The following SOS2 variants were observed in gnomAD, a reference collection of about 807,000 sequenced individuals.
The protein encoded by SOS2 is SOS Ras/Rho guanine nucleotide exchange factor 2, also known as son of sevenless homolog 2.
SOS2 carries 65 observed loss-of-function variants against 148.2 expected under a neutral mutation model. The observed-to-expected ratio is 0.44, with a 90% confidence interval of 0.36 to 0.54. The LOEUF is 0.54. SOS2 is among the 20% of genes least tolerant of loss of function. The pLI is 0.00. For synonymous variants in SOS2, 539 were observed against 537.1 expected, an observed-to-expected ratio of 1.00 and a Z score of -0.05; for missense variants, 1,341 against 1,590.2, an observed-to-expected ratio of 0.84 and a Z score of 2.67.
chr14:50,200,960 G>A lies in SOS2; in HGVS notation c.338C>T (p.Ser113Leu), dbSNP rs751240491. The A allele has an allele frequency of 1.4e-5, 23 of 1,613,448 alleles. No individual in the cohort carries two copies. The Middle Eastern group carries it at 4.9e-4, about 35-fold the overall frequency. ...TGTTTAATCTTTTGTTACCTTCAAC[G>A]AAGGATGGATTTTGTCCACAGGCAG... is the stretch of plus-strand genomic sequence containing the variant. ...LLLPVDKIHP[S>L]LKEVLGYKVD... Residue 113 changes from serine to leucine, a missense_variant, in exon 3 of 23, where the codon TCG (serine) becomes TTG (leucine). Coordinates refer to ENST00000216373, the MANE Select transcript of SOS2 (RefSeq NM_006939.4).
intron 1 of SOS2, among the ~76,000 whole-genome samples, chr14:50,217,898 T>G (rs986485359): frequency 2.6e-5 from 4 of 151,546 alleles, no homozygotes; most frequent in African/African-American, 4.9e-5. Context: ...GAGCTTGCAG[T>G]GAATCGAGAT....
At chr14:50,121,963 T>C (rs939411740) in intron 21 of SOS2, among the ~76,000 whole-genome samples, 3 of 152,206 alleles carry the variant, frequency 2.0e-5, no homozygotes, top group Non-Finnish European at 4.4e-5. Flanking sequence ...GGAATAGGCA[T>C]GGGACTCACT....
chr14:50,121,067 T>C (rs1883489137), intron 21 of SOS2, among the ~76,000 whole-genome samples: 2 of 152,238 alleles, frequency 1.3e-5, no homozygotes, highest in East Asian at 3.9e-4. Flanking sequence ...CAGCTATGAT[T>C]GGGCACATCA....
chr14:50,194,313 T>C (rs1012606427), intron 4 of SOS2, among the ~76,000 whole-genome samples: 8 of 152,234 alleles, frequency 5.3e-5, no homozygotes, highest in African/African-American at 1.2e-4. Context: ...TAGGTAAAGT[T>C]TGTTGACCCA....
chr14:50,153,915 T>C (rs768019894), intron 12 of SOS2, among the ~76,000 whole-genome samples: 21 of 151,992 alleles, frequency 1.4e-4, no homozygotes, highest in Admixed American at 3.9e-4. Context: ...ACCCAGCCTA[T>C]CATCAAATTT....
Position 50,118,445 on chromosome 14 carries a change from G to C in SOS2, c.3898C>G (p.Pro1300Ala), listed in dbSNP as rs1340925625. The C allele has an allele frequency of 1.2e-6, 2 of 1,614,090 alleles. No homozygotes were observed. The change falls in exon 23 of 23, where the codon CCT (proline) becomes GCT (alanine). Residue 1300 changes from proline (P) to alanine (A), a missense_variant. Around this residue, in one of 4 missense-constraint regions of SOS2, gnomAD observed 354 missense variants for 347.7 expected, o/e 1.02. Coordinates refer to ENST00000216373, the MANE Select transcript of SOS2 (RefSeq NM_006939.4). ...TTTGGTGGCAGTTTTGGCAGATGAG[G>C]GCTTGAATTCTGCCTTGGTGGAACA... ...PPVPPRQNSS[P>A]HLPKLPPKTY...
chr14:50,147,089 TGAGA>T (rs1260441305), intron 14 of SOS2, among the ~76,000 whole-genome samples: 1 of 151,472 alleles, frequency 6.6e-6, no homozygotes, highest in African/African-American at 2.4e-5. Context: ...TTCCTGCTAC[TGAGA>T]GACTGAGGTG....
At position 50,189,331 on chromosome 14, in the gene SOS2, C is replaced by CAAAAAAAAAAAA. The variant is rs761860061; in HGVS notation, c.511-643_511-632dup. Among the ~76,000 whole-genome samples the CAAAAAAAAAAAA allele has an allele frequency of 9.6e-3, 300 of 31,404 alleles. 57 individuals are homozygous for CAAAAAAAAAAAA. Among genetic ancestry groups the CAAAAAAAAAAAA allele is most frequent in the East Asian group, 0.033 (29 of 870 alleles). 20.6% of individuals were successfully genotyped at this position (31,404 alleles called of 152,430 possible). A position where few individuals can be genotyped will look rare whatever the true frequency, so the allele number is the denominator to read the frequency against. On this transcript the variant is annotated intron_variant, in intron 4 of 22. Coordinates refer to ENST00000216373, the MANE Select transcript of SOS2 (RefSeq NM_006939.4). ...ACACACACACACACACACATAATAG[C>CAAAAAAAAAAAA]AAAAAAAAAAAAAAAAAGCAAGCCT...
At chr14:50,171,565 T>C (rs2139669005) in intron 8 of SOS2, among the ~76,000 whole-genome samples, 1 of 150,928 alleles carries the variant, frequency 6.6e-6, no homozygotes, top group East Asian at 2.0e-4. Flanking sequence ...GCACCTGTAG[T>C]CCCAGCTACT....
intron 1 of SOS2, among the ~76,000 whole-genome samples, chr14:50,214,939 C>T (rs963724388): frequency 6.6e-6 from 1 of 151,638 alleles, no homozygotes; most frequent in Non-Finnish European, 1.5e-5. Context: ...GGGTTCACGC[C>T]ATTCTCCTGC....
At chr14:50,124,415 G>A (rs1245604380) in intron 21 of SOS2, among the ~76,000 whole-genome samples, 4 of 152,190 alleles carry the variant, frequency 2.6e-5, no homozygotes, top group Admixed American at 6.5e-5. Flanking sequence ...AAAAGGCAGA[G>A]GCGTTGTCTT....
Position 50,130,762 on chromosome 14 carries a change from G to A in SOS2, c.3076C>T (p.Pro1026Ser), listed in dbSNP as rs201874067. The A allele has an allele frequency of 6.5e-5, 104 of 1,591,824 alleles. No individual in the cohort carries two copies. The Middle Eastern group carries it at 8.4e-4, about 13-fold the overall frequency. Residue 1026 changes from proline (P) to serine (S), a missense_variant and splice_region_variant, in exon 20 of 23, where the codon CCT becomes TCT. This residue lies in a region of SOS2 where 408 missense variants were observed against 506.6 expected (regional missense o/e 0.81). Transcript: ENST00000216373. ...PRNCKQPPRF[P>S]RKSTFSLKSP... Reference sequence around the variant, plus strand: ...TTTAAGGAAAAAGTTGATTTCCTAGGCTGAGAAAAGCAAACATAATTAATG... The same window carrying A: ...TTTAAGGAAAAAGTTGATTTCCTAGACTGAGAAAAGCAAACATAATTAATG...
At chr14:50,152,745 A>G (rs1306800705) in intron 13 of SOS2, among the ~76,000 whole-genome samples, 3 of 152,192 alleles carry the variant, frequency 2.0e-5, no homozygotes, top group Non-Finnish European at 2.9e-5. Context: ...ATCTGAGGTC[A>G]GGAGTTCAAG....
Position 50,224,314 on chromosome 14 carries a change from TACACACACACACACAC to T in SOS2, c.87+6867_87+6882del, listed in dbSNP as rs71118856. On this transcript the variant is annotated intron_variant, in intron 1 of 22. Coordinates refer to ENST00000216373, the MANE Select transcript of SOS2 (RefSeq NM_006939.4). ...TCAGGAAAAAAAAAAAATATATATA[TACACACACACACACAC>T]ACACACACACACACACACACACACA... Among the ~76,000 whole-genome samples the T allele has an allele frequency of 1.9e-3, 197 of 101,032 alleles. 3 individuals are homozygous for T. The highest frequency in any genetic ancestry group is 3.4e-3 in the Admixed American group (29 of 8,586). 66.3% of individuals were successfully genotyped at this position (101,032 alleles called of 152,430 possible).
chr14:50,158,834 C>T (rs990014836), intron 10 of SOS2, among the ~76,000 whole-genome samples, 188 bp from the exon 11 acceptor site: 2 of 152,100 alleles, frequency 1.3e-5, no homozygotes, highest in African/African-American at 4.8e-5. Flanking sequence ...GAAATACTGA[C>T]ATAGAGAATA....
chr14:50,231,057 A>G (rs1183386614), intron 1 of SOS2, 140 bp downstream of exon 1: 2 of 565,418 alleles, frequency 3.5e-6, no homozygotes, highest in Non-Finnish European at 5.2e-6. Flanking sequence ...GCAACAGGCA[A>G]TTGTGAGCCC....
intron 14 of SOS2, among the ~76,000 whole-genome samples, chr14:50,148,015 C>T (rs924267470): frequency 3.9e-5 from 6 of 152,064 alleles, no homozygotes; most frequent in African/African-American, 1.2e-4. Context: ...CTTGGTTATT[C>T]ATTAAAAAAA....
rs750733747 is a variant in SOS2 at position 50,157,365 on chromosome 14, G to T, written c.1935-244C>A. Among the ~76,000 whole-genome samples, 22 of 152,070 alleles carry T rather than the reference G, an allele frequency of 1.4e-4. 1 individual carries two copies. Among genetic ancestry groups the T allele is most frequent in the South Asian group, 6.2e-4 (3 of 4,808 alleles). On this transcript the variant is annotated intron_variant, in intron 11 of 22. Coordinates refer to ENST00000216373, the MANE Select transcript of SOS2 (RefSeq NM_006939.4). ...ACTGATAATACAGAAAAGGTCCAGG[G>T]AAAAGAGCCAAGGAAAGAATTCATA...
chr14:50,175,339 T>A (rs537667951), intron 7 of SOS2, among the ~76,000 whole-genome samples: 90 of 152,174 alleles, frequency 5.9e-4, no homozygotes, highest in Admixed American at 1.8e-3. Flanking sequence ...ACATTTTGGC[T>A]ACCAAGAATT....
Sources: gnomAD v4.1 joint callset for allele counts (sites outside exome capture counted in the v4.1 genomes callset) on GRCh38, gnomAD v4.1.1 for gene constraint, gnomAD v4.1.1 regional missense constraint, MANE v1.5 for transcripts, NCBI Gene and HGNC (gene_info 2026-07-23, HGNC 2026-07-21) for gene names.